Variants in XIRP2 observed in about 807,000 individuals in gnomAD.
XIRP2 encodes xin actin-binding repeat-containing protein 2.
A neutral mutation model predicts 277.0 loss-of-function variants in XIRP2; 236 were observed. That is an observed-to-expected ratio of 0.85 (90% confidence interval 0.77 to 0.95). The LOEUF is 0.95. Ranked by LOEUF, XIRP2 falls within the 40% of genes least tolerant of loss-of-function variation. The pLI, the probability that XIRP2 is intolerant of heterozygous loss-of-function variation, is 0.00. For missense variants in XIRP2, 4,640 were observed against 4,157.5 expected, an observed-to-expected ratio of 1.12 and a Z score of -3.19; for synonymous variants, 1,490 against 1,416.5, an observed-to-expected ratio of 1.05 and a Z score of -1.17.
At chr2:167,153,570 C>T (rs1252353485) in intron 3 of XIRP2, among the ~76,000 whole-genome samples, 1 of 151,942 alleles carries the variant, frequency 6.6e-6, no homozygotes, top group Non-Finnish European at 1.5e-5. Flanking sequence ...CCCCCCACCC[C>T]ACAACAGTCC....
chr2:167,208,816 CAAAAT>C (rs1250814203), intron 3 of XIRP2, among the ~76,000 whole-genome samples: 1 of 152,074 alleles, frequency 6.6e-6, no homozygotes, highest in Non-Finnish European at 1.5e-5. Flanking sequence ...GGATAACACA[CAAAAT>C]AAAATTTATA....
intron 2 of XIRP2, among the ~76,000 whole-genome samples, chr2:166,969,349 G>A (rs943990852): frequency 3.3e-5 from 5 of 151,876 alleles, no homozygotes; most frequent in African/African-American, 4.8e-5. Context: ...ATTTATTCAC[G>A]TCTAGTCAAT....
chr2:167,197,737 T>C (rs1182938588), intron 3 of XIRP2, among the ~76,000 whole-genome samples: 1 of 152,174 alleles, frequency 6.6e-6, no homozygotes, highest in Non-Finnish European at 1.5e-5. Context: ...TAGTTTCATA[T>C]GGAATTTGGC....
chr2:167,199,816 G>A (rs1170003691), intron 3 of XIRP2, among the ~76,000 whole-genome samples: 1 of 152,182 alleles, frequency 6.6e-6, no homozygotes, highest in Non-Finnish European at 1.5e-5. Flanking sequence ...CAGACCCTTA[G>A]TAACTAAACC....
intron 2 of XIRP2, among the ~76,000 whole-genome samples, chr2:167,017,019 T>C (rs1687845404): frequency 6.6e-6 from 1 of 151,972 alleles, no homozygotes; most frequent in African/African-American, 2.4e-5. Context: ...CAGTCAACTA[T>C]ACTCTTCACA....
In XIRP2 at chr2:167,210,744, G is replaced by T. The variant is rs894724331; in HGVS notation, c.572G>T (p.Gly191Val). 4 of 1,614,026 alleles carry T rather than the reference G, an allele frequency of 2.5e-6. No individual in the cohort carries two copies. The highest frequency in any genetic ancestry group is 1.7e-6 in the Non-Finnish European group (2 of 1,180,002). The change falls in exon 4 of 11, where the codon GGC becomes GTC. Residue 191 changes from glycine (G) to valine (V), a missense_variant. Gly to Val is a moderately radical substitution (Grantham distance 109, BLOSUM62 -3). Coordinates refer to ENST00000409195, the MANE Select transcript of XIRP2 (RefSeq NM_152381.6). ...GHSRIFEATA[G>V]PNKPESGFAE... Reference sequence around the variant, plus strand: ...CTCTGTTTGCTTTCAGCGACTGCTGGCCCTAATAAGCCTGAGAGTGGATTT... The same window carrying T: ...CTCTGTTTGCTTTCAGCGACTGCTGTCCCTAATAAGCCTGAGAGTGGATTT...
chr2:167,195,558 T>A (rs761485675), intron 3 of XIRP2, among the ~76,000 whole-genome samples: 9 of 152,184 alleles, frequency 5.9e-5, no homozygotes, highest in Admixed American at 1.3e-4. Flanking sequence ...TCACAGCATC[T>A]GTGAAAAGAT....
At position 167,251,534 on chromosome 2, in the gene XIRP2, T is replaced by C. The variant is rs749839387; in HGVS notation, c.10142T>C (p.Leu3381Ser). The C allele has an allele frequency of 8.7e-6, 14 of 1,613,350 alleles. No homozygotes were observed. The East Asian group carries it at 1.8e-4, about 21-fold the overall frequency. The change falls in exon 9 of 11, where the codon TTA (leucine) becomes TCA (serine). Residue 3381 changes from leucine (L) to serine (S), a missense_variant. Transcript: ENST00000409195. ...FCKEEFGLTS[L>S]GNTSFTDFSC... ...AAGGAGGAATTTGGATTAACATCTT[T>C]AGGAAACACGAGTTTTACAGACTTT...
At chr2:166,920,656 C>G (rs1441378543) in intron 2 of XIRP2, among the ~76,000 whole-genome samples, 2 of 152,066 alleles carry the variant, frequency 1.3e-5, no homozygotes, top group African/African-American at 4.8e-5. Flanking sequence ...TAAAATATGG[C>G]AAGAAATATA....
At chr2:167,048,891 G>A (rs185230651) in intron 2 of XIRP2, among the ~76,000 whole-genome samples, 4 of 151,942 alleles carry the variant, frequency 2.6e-5, no homozygotes, top group African/African-American at 7.2e-5. Flanking sequence ...CTTTTTCCTA[G>A]AATCTTGGTG....
intron 3 of XIRP2, among the ~76,000 whole-genome samples, chr2:167,139,974 T>C (rs1023598673): frequency 1.3e-5 from 2 of 152,198 alleles, no homozygotes; most frequent in African/African-American, 4.8e-5. Context: ...TTGATCCAGA[T>C]GCTAATTATT....
chr2:167,010,677 A>T lies in XIRP2; in HGVS notation c.408+106787A>T, dbSNP rs542802240. ...ACCTTGGGCAGTATGGCCATTTTCA[A>T]GATATTGATTCTTCCTACCCATGGC... On this transcript the variant is annotated intron_variant, in intron 2 of 10. Coordinates refer to ENST00000409195, the MANE Select transcript of XIRP2 (RefSeq NM_152381.6). Among the ~76,000 whole-genome samples, 22 of 151,972 alleles carry T rather than the reference A, an allele frequency of 1.4e-4. No homozygotes were observed. The South Asian group carries it at 1.9e-3, about 13-fold the overall frequency.
intron 2 of XIRP2, among the ~76,000 whole-genome samples, chr2:167,120,683 G>T (rs1049246891): frequency 3.9e-5 from 6 of 152,168 alleles, no homozygotes; most frequent in Middle Eastern, 3.4e-3. Flanking sequence ...AGCGTGGACA[G>T]CCAGAAGCTT....
chr2:167,241,496 G>C (rs189343497), intron 7 of XIRP2, among the ~76,000 whole-genome samples: 402 of 152,158 alleles, frequency 2.6e-3, no homozygotes, highest in Middle Eastern at 0.01. Context: ...ATGAAATAAT[G>C]CCATATGCAT....
intron 2 of XIRP2, among the ~76,000 whole-genome samples, chr2:167,049,202 A>G (rs73012289): frequency 0.081 from 12,202 of 149,852 alleles, 619 homozygotes; most frequent in East Asian, 0.15. Context: ...TTTTTTAATC[A>G]GGGTTCATTA....
chr2:167,178,978 A>G (rs1692932858), intron 3 of XIRP2, among the ~76,000 whole-genome samples: 1 of 152,094 alleles, frequency 6.6e-6, no homozygotes, highest in Non-Finnish European at 1.5e-5. Flanking sequence ...ATTCAACTAA[A>G]TTTTATTTCT....
At chr2:166,959,744 T>C (rs1237247916) in intron 2 of XIRP2, among the ~76,000 whole-genome samples, 1 of 151,786 alleles carries the variant, frequency 6.6e-6, no homozygotes, top group Non-Finnish European at 1.5e-5. Context: ...TTTTGAGAGT[T>C]TGACCACAAA....
At chr2:167,075,570 C>A (rs1466204226) in intron 2 of XIRP2, among the ~76,000 whole-genome samples, 1 of 152,138 alleles carries the variant, frequency 6.6e-6, no homozygotes, top group Non-Finnish European at 1.5e-5. Flanking sequence ...TTTCTTCTGT[C>A]CATTCTTTTT....
chr2:166,969,163 T>C (rs1283329848), intron 2 of XIRP2, among the ~76,000 whole-genome samples: 1 of 151,958 alleles, frequency 6.6e-6, no homozygotes, highest in Non-Finnish European at 1.5e-5. Flanking sequence ...GAAAAAAATA[T>C]TGAATATAAG....
Sources: gnomAD v4.1 joint callset for allele counts (sites outside exome capture counted in the v4.1 genomes callset) on GRCh38, gnomAD v4.1.1 for gene constraint, MANE v1.5 for transcripts, NCBI Gene and HGNC (gene_info 2026-07-23, HGNC 2026-07-21) for gene names.